The following ZFHX3 variants were observed in gnomAD, a reference collection of about 807,000 sequenced individuals.
The protein encoded by ZFHX3 is zinc finger homeobox 3, also known as zinc finger homeobox protein 3.
ZFHX3 carries 42 observed loss-of-function variants against 279.1 expected under a neutral mutation model. That is an observed-to-expected ratio of 0.15 (90% CI 0.12 to 0.19). The LOEUF is 0.19. ZFHX3 is among the 10% of genes least tolerant of loss of function. ZFHX3 has a pLI of 1.00. For synonymous variants in ZFHX3, 2,293 were observed against 1,957.8 expected (o/e 1.17, Z -4.52); for missense variants, 4,981 against 4,754.0 (o/e 1.05, Z -1.40).
intron 2 of ZFHX3, among the ~76,000 whole-genome samples, chr16:73,549,609 T>C (rs540427279): frequency 1.3e-5 from 2 of 152,324 alleles, no homozygotes; most frequent in East Asian, 3.9e-4. Flanking sequence ...GTTGTTGGTT[T>C]CCTTTTGAAA....
At chr16:73,157,465 T>TTAA (rs1346539597) in intron 5 of ZFHX3, among the ~76,000 whole-genome samples, 4 of 76,522 alleles carry the variant, frequency 5.2e-5, no homozygotes, top group Non-Finnish European at 4.7e-5. Context: ...GAATGTTTGG[T>TTAA]AAAAAAAAAA....
In ZFHX3 at chr16:72,957,769, G is replaced by T; in HGVS notation, c.2377C>A (p.Pro793Thr). The change falls in exon 2 of 10, where the codon CCC (proline) becomes ACC (threonine). Residue 793 changes from proline to threonine, a missense_variant. By Grantham distance (38) the Pro-to-Thr change is conservative. Coordinates refer to ENST00000268489, the MANE Select transcript of ZFHX3 (RefSeq NM_006885.4). ...AANISSSCGAPSPTKPKTKPT... is the reference protein window; with the variant it reads ...AANISSSCGATSPTKPKTKPT... ...TTGGTTTTTGGTTTGGTCGGCGAGG[G>T]GGCCCCGCAGGAGCTACTGATATTG... 1 of 1,614,058 alleles carries T rather than the reference G, an allele frequency of 6.2e-7. No individual in the cohort carries two copies. The highest frequency in any genetic ancestry group is 8.5e-7 in the Non-Finnish European group (1 of 1,180,012).
chr16:73,001,927 T>A (rs1208077828), intron 1 of ZFHX3, among the ~76,000 whole-genome samples: 3 of 152,114 alleles, frequency 2.0e-5, no homozygotes, highest in Admixed American at 2.0e-4. Flanking sequence ...CCTCTCACCA[T>A]GTGGCATTAC....
chr16:72,969,315 G>T (rs1597033802), intron 1 of ZFHX3, among the ~76,000 whole-genome samples: 1 of 152,148 alleles, frequency 6.6e-6, no homozygotes, highest in East Asian at 1.9e-4. Context: ...TCTAGGTGGA[G>T]CCTTCCAGTT....
At chr16:73,487,408 A>AT (rs35394633) in intron 2 of ZFHX3, 24,202 of 375,964 alleles carry the variant, frequency 0.064, 129 homozygotes, top group South Asian at 0.071. Flanking sequence ...TATCTATGTG[A>AT]TTTTTTTTTT....
chr16:73,206,497 TGC>T (rs1254662117), intron 5 of ZFHX3, among the ~76,000 whole-genome samples: 1 of 152,224 alleles, frequency 6.6e-6, no homozygotes, highest in African/African-American at 2.4e-5. Flanking sequence ...AGTTCGCTAC[TGC>T]CTTTCTTATC....
At chr16:72,965,114 G>T (rs185730867) in intron 1 of ZFHX3, among the ~76,000 whole-genome samples, 25 of 152,294 alleles carry the variant, frequency 1.6e-4, no homozygotes, top group African/African-American at 5.8e-4. Context: ...CCTGAGCTCA[G>T]GCAATCTGCC....
At position 72,958,715 on chromosome 16, in the gene ZFHX3, T is replaced by C. The variant is rs1046747740; in HGVS notation, c.1431A>G (p.Glu477=). ...CCTCCTCTTCTTCCTCCTCCTCTTC[T>C]TCCTCCTCCTCCTCCGCCTCTTCCT... ...EEEEEAEEEE[E]EEEEEEEEEE... Residue 477 remains glutamate, a synonymous_variant, in exon 2 of 10, where the codon GAA becomes GAG. Coordinates refer to ENST00000268489, the MANE Select transcript of ZFHX3 (RefSeq NM_006885.4). The C allele has an allele frequency of 3.1e-6, 5 of 1,611,924 alleles. No individual in the cohort carries two copies. Among genetic ancestry groups the C allele is most frequent in the Non-Finnish European group, 4.2e-6 (5 of 1,178,708 alleles).
chr16:73,525,054 A>C (rs2019668894), intron 2 of ZFHX3, among the ~76,000 whole-genome samples: 2 of 152,162 alleles, frequency 1.3e-5, no homozygotes, highest in Admixed American at 6.5e-5. Context: ...AAGGAAAAAA[A>C]ATTTTCCCTG....
chr16:72,811,220 T>C (rs1238531223), intron 7 of ZFHX3, among the ~76,000 whole-genome samples: 1 of 152,130 alleles, frequency 6.6e-6, no homozygotes, highest in African/African-American at 2.4e-5. Flanking sequence ...GTTATGAGGA[T>C]GAAATGAGAC....
At chr16:73,325,904 C>CAT (rs1555510185) in intron 3 of ZFHX3, among the ~76,000 whole-genome samples, 4 of 97,380 alleles carry the variant, frequency 4.1e-5, no homozygotes, top group African/African-American at 1.5e-4. Flanking sequence ...CACACACAAA[C>CAT]ACACACACAC....
chr16:73,806,835 G>A (rs189209197), intron 1 of ZFHX3, among the ~76,000 whole-genome samples: 50 of 152,298 alleles, frequency 3.3e-4, no homozygotes, highest in African/African-American at 1.2e-3. Flanking sequence ...TCCAGCTTTG[G>A]CACTGCCCTG....
chr16:72,927,179 G>C (rs970213916), intron 3 of ZFHX3, among the ~76,000 whole-genome samples: 3 of 152,120 alleles, frequency 2.0e-5, no homozygotes, highest in Non-Finnish European at 4.4e-5. Flanking sequence ...AGTTTCACTT[G>C]GTCAGACATT....
chr16:72,889,755 G>A lies in ZFHX3; in HGVS notation c.3424C>T (p.Arg1142Cys), dbSNP rs746242918. ...CCTGGGTCCGTGGAGGGGCACCTGC[G>A]GATGGTGAAGATCTGCCCCAGGTCC... Reference protein sequence around the residue: ...DEDLGQIFTIRRCPSTDPEEA... With the variant: ...DEDLGQIFTICRCPSTDPEEA... Residue 1142 changes from arginine (R) to cysteine (C), a missense_variant, in exon 4 of 10, where the codon CGC becomes TGC. Arg to Cys is a radical substitution (Grantham distance 180, BLOSUM62 -3). Transcript: ENST00000268489. 3.3e-5 allele frequency: 53 copies of A among 1,612,548 alleles called. No homozygotes were observed. The highest frequency in any genetic ancestry group is 2.7e-4 in the Admixed American group (16 of 60,004).
chr16:72,788,822 T>C lies in ZFHX3; in HGVS notation c.9454A>G (p.Met3152Val), dbSNP rs765992370. ...TALTSPKPNL[M>V]GLPSTTVPSP... ...GGAACAGTTGTGCTGGGCAGACCCA[T>C]CAAGTTCGGCTTAGGAGACGTTAAA... The change falls in exon 10 of 10, where the codon ATG becomes GTG. Residue 3152 changes from methionine to valine, a missense_variant. This residue lies in a region of ZFHX3 where 1,034 missense variants were observed against 786.0 expected (regional missense o/e 1.32). Transcript: ENST00000268489. The C allele has an allele frequency of 2.0e-6, 3 of 1,523,222 alleles. No homozygotes were observed. The Admixed American group carries it at 6.8e-5, about 34-fold the overall frequency. The allele number at this position is 1,523,222 out of a possible 1,614,324, so 94.4% of individuals were successfully genotyped here. A position where few individuals can be genotyped will look rare whatever the true frequency, so the allele number is the denominator to read the frequency against.
intron 3 of ZFHX3, among the ~76,000 whole-genome samples, chr16:73,363,782 G>T (rs2016477204): frequency 6.6e-6 from 1 of 152,114 alleles, no homozygotes; most frequent in African/African-American, 2.4e-5. Flanking sequence ...GGATACAACA[G>T]ATAAGGAAGA....
intron 4 of ZFHX3, among the ~76,000 whole-genome samples, chr16:72,864,671 A>G (rs1171432104): frequency 6.6e-6 from 1 of 152,204 alleles, no homozygotes; most frequent in African/African-American, 2.4e-5. Context: ...CTTGGGCCTC[A>G]CTGCATGGCC....
At chr16:73,406,908 T>A (rs998132756) in intron 3 of ZFHX3, among the ~76,000 whole-genome samples, 1 of 152,220 alleles carries the variant, frequency 6.6e-6, no homozygotes, top group African/African-American at 2.4e-5. Flanking sequence ...CATTCCCATT[T>A]TTAAATATGG....
Position 73,391,352 on chromosome 16 carries a change from G to T in ZFHX3, c.-1291+64651C>A, listed in dbSNP as rs111848006. Among the ~76,000 whole-genome samples the T allele has an allele frequency of 1.0e-3, 155 of 152,070 alleles. 1 individual carries two copies. Among genetic ancestry groups the T allele is most frequent in the African/African-American group, 3.5e-3 (145 of 41,520 alleles). On this transcript the variant is annotated intron_variant, in intron 3 of 17. Transcript: ENST00000641206. ...CACCTGTAATCCCAGCTACTCAGGAGGCTCAGGCAGAACTGCTTGAACCCA... is the reference window on the plus strand; with the variant it reads ...CACCTGTAATCCCAGCTACTCAGGATGCTCAGGCAGAACTGCTTGAACCCA...
Sources: allele counts gnomAD v4.1 joint callset (sites outside exome capture counted in the v4.1 genomes callset), GRCh38; gene constraint gnomAD v4.1.1; regional missense constraint gnomAD v4.1.1; transcripts MANE v1.5; gene names NCBI Gene and HGNC (gene_info 2026-07-23, HGNC 2026-07-21).